The following QTMAN variants were observed in gnomAD, a reference collection of about 807,000 sequenced individuals.
QTMAN encodes the protein tRNA-queuosine alpha-mannosyltransferase.
At chr2:144,320,736 C>T in the QTMAN span, among the ~76,000 whole-genome samples, 3 of 152,174 alleles carry the variant, frequency 2.0e-5, no homozygotes, top group Non-Finnish European at 2.9e-5. Context: ...GGCTGAGTCA[C>T]GGCATTCTTT....
the QTMAN span, among the ~76,000 whole-genome samples, chr2:144,104,469 C>T: frequency 6.6e-6 from 1 of 152,168 alleles, no homozygotes; most frequent in Non-Finnish European, 1.5e-5. Flanking sequence ...TATCCTGCGC[C>T]TGGCTTGGAG....
the QTMAN span, among the ~76,000 whole-genome samples, chr2:144,055,865 A>G: frequency 6.6e-6 from 1 of 152,186 alleles, no homozygotes; most frequent in Non-Finnish European, 1.5e-5. Context: ...GAAGTTCATC[A>G]AGCGGCAAAG....
At chr2:144,183,626 A>T in the QTMAN span, among the ~76,000 whole-genome samples, 1 of 152,214 alleles carries the variant, frequency 6.6e-6, no homozygotes, top group Admixed American at 6.5e-5. Context: ...ATCATACTAA[A>T]ATCTATAGGG....
chr2:144,255,548 T>G, the QTMAN span, among the ~76,000 whole-genome samples: 1 of 152,064 alleles, frequency 6.6e-6, no homozygotes. Context: ...AGCATGAGAG[T>G]GAACTAATAC....
chr2:144,150,357 G>A, the QTMAN span, among the ~76,000 whole-genome samples: 1 of 151,848 alleles, frequency 6.6e-6, no homozygotes, highest in Non-Finnish European at 1.5e-5. Context: ...CTAGGATCCT[G>A]TATTTTCTGT....
chr2:144,260,344 T>G, the QTMAN span, among the ~76,000 whole-genome samples: 1 of 152,114 alleles, frequency 6.6e-6, no homozygotes, highest in Non-Finnish European at 1.5e-5. Flanking sequence ...TGGGTATTTG[T>G]GGGTGTGGGT....
At chr2:144,035,677 TCAAA>T in the QTMAN span, among the ~76,000 whole-genome samples, 3 of 152,216 alleles carry the variant, frequency 2.0e-5, no homozygotes, top group East Asian at 5.8e-4. Context: ...CTGTCAAGTT[TCAAA>T]CAGTCAAATA....
At chr2:144,197,070 A>AC in the QTMAN span, among the ~76,000 whole-genome samples, 1 of 151,956 alleles carries the variant, frequency 6.6e-6, no homozygotes, top group Non-Finnish European at 1.5e-5. Context: ...AGCCTACTAC[A>AC]CCCCCATGCT....
the QTMAN span, among the ~76,000 whole-genome samples, chr2:144,323,622 C>T: frequency 1.2e-4 from 18 of 152,072 alleles, no homozygotes; most frequent in Non-Finnish European, 1.9e-4. Flanking sequence ...GGGATTTGTA[C>T]GCCACAATTT....
chr2:144,140,460 A>C, the QTMAN span, among the ~76,000 whole-genome samples: 2 of 152,084 alleles, frequency 1.3e-5, no homozygotes, highest in Admixed American at 6.6e-5. Context: ...CATATTTTGA[A>C]AAATTCAGAT....
the QTMAN span, among the ~76,000 whole-genome samples, chr2:144,167,506 C>A: frequency 3.3e-5 from 5 of 152,248 alleles, no homozygotes; most frequent in South Asian, 1.0e-3. Context: ...AAGGGTGGGA[C>A]CAGGTGGAGG....
At chr2:143,958,593 T>C in the QTMAN span, among the ~76,000 whole-genome samples, 1 of 151,974 alleles carries the variant, frequency 6.6e-6, no homozygotes, top group Non-Finnish European at 1.5e-5. Flanking sequence ...ACCAGATAAA[T>C]TCCCCCCTTA....
At chr2:143,987,342 C>T in the QTMAN span, among the ~76,000 whole-genome samples, 1 of 152,188 alleles carries the variant, frequency 6.6e-6, no homozygotes, top group Non-Finnish European at 1.5e-5. Flanking sequence ...CTGAGTCTTT[C>T]TAGACTCCGT....
At chr2:144,145,865 G>C in the QTMAN span, 1 of 638,990 alleles carries the variant, frequency 1.6e-6, no homozygotes, top group Admixed American at 3.0e-5. Context: ...CACATCAATA[G>C]TTGAGGCTTA....
chr2:144,284,584 C>A, the QTMAN span, among the ~76,000 whole-genome samples: 2 of 152,048 alleles, frequency 1.3e-5, no homozygotes, highest in African/African-American at 4.8e-5. Context: ...ATGTATGTCA[C>A]TTCTACAATT....
the QTMAN span, among the ~76,000 whole-genome samples, chr2:144,239,922 G>A: frequency 3.3e-5 from 5 of 152,262 alleles, no homozygotes; most frequent in Middle Eastern, 6.8e-3. Context: ...TTAGATCTCT[G>A]TAAACCTAAA....
chr2:144,006,605 T>G, the QTMAN span: 10 of 152,244 alleles, frequency 6.6e-5, no homozygotes, highest in East Asian at 1.7e-3. Context: ...TTTTATTTGG[T>G]GAGATCACAT....
chr2:144,328,351 T>G, the QTMAN span, among the ~76,000 whole-genome samples: 1 of 152,362 alleles, frequency 6.6e-6, no homozygotes, highest in Middle Eastern at 3.4e-3. Flanking sequence ...TCTTACTAAT[T>G]GTCTGATTCT....
At chr2:144,290,091 C>T in the QTMAN span, among the ~76,000 whole-genome samples, 2 of 152,106 alleles carry the variant, frequency 1.3e-5, no homozygotes, top group Non-Finnish European at 2.9e-5. Context: ...TTCTGTACCT[C>T]ACTTCCGTTT....
Sources: gnomAD v4.1 joint callset for allele counts (sites outside exome capture counted in the v4.1 genomes callset) on GRCh38, gnomAD v4.1.1 for gene constraint, MANE v1.5 for transcripts, NCBI Gene and HGNC (gene_info 2026-07-23, HGNC 2026-07-21) for gene names.